The following RABGGTB variants were observed in gnomAD, a reference collection of about 807,000 sequenced individuals.
RABGGTB encodes the protein Rab geranylgeranyltransferase subunit beta.
A neutral mutation model predicts 44.5 loss-of-function variants in RABGGTB; 20 were observed. The ratio of observed to expected loss-of-function variants is 0.45; its 90% CI spans 0.32 to 0.65. RABGGTB has a LOEUF of 0.65. Ranked by LOEUF, RABGGTB falls within the 30% of genes least tolerant of loss-of-function variation. The probability of loss-of-function intolerance (pLI) is 0.05; values close to 1 mark genes in which losing one functional copy is unlikely to be tolerated. For missense variants in RABGGTB, 302 were observed against 398.7 expected (o/e 0.76, Z 2.06); for synonymous variants, 128 against 136.7 (o/e 0.94, Z 0.44).
chr1:75,792,138 CAAG>C (rs1553129764), intron 6 of RABGGTB, 40 bp from the exon 7 acceptor site: 13 of 1,528,390 alleles, frequency 8.5e-6, no homozygotes, highest in Non-Finnish European at 1.2e-5. Context: ...CTTTTAATGT[CAAG>C]AAATTATTAT....
At chr1:75,790,317 GT>G in intron 4 of RABGGTB, 5 of 1,233,306 alleles carry the variant, frequency 4.1e-6, no homozygotes, top group Non-Finnish European at 5.0e-6. Context: ...GCTTTGTAAA[GT>G]TTTTTAAAAA....
In RABGGTB at chr1:75,793,910, A is replaced by G. The variant is rs886687992; in HGVS notation, c.706-174A>G. ...CCATTAATTGATTATCTTTCATTCT[A>G]AGCAAGTATTTCATACCCTGCATAT... On this transcript the variant is annotated intron_variant, in intron 7 of 8. Transcript: ENST00000319942. 13 of 574,428 alleles carry G rather than the reference A, an allele frequency of 2.3e-5. No individual in the cohort carries two copies. In the African/African-American group the frequency reaches 2.4e-4, roughly 11 times the overall value. The allele number at this position is 574,428 out of a possible 1,614,324, so 35.6% of individuals were successfully genotyped here.
chr1:75,789,903 T>C (rs1649604463), intron 3 of RABGGTB, 49 bp from the exon 4 acceptor site: 3 of 1,364,622 alleles, frequency 2.2e-6, no homozygotes, highest in Non-Finnish European at 3.1e-6. Flanking sequence ...ATAAGATCAT[T>C]AGAATAAACC....
chr1:75,790,223 TA>T, intron 4 of RABGGTB, 166 bp downstream of exon 4: 1 of 1,422,156 alleles, frequency 7.0e-7, no homozygotes, highest in Non-Finnish European at 9.1e-7. Flanking sequence ...GTGGTAGTTA[TA>T]TCAGCATATA....
intron 2 of RABGGTB, 63 bp downstream of exon 2, chr1:75,787,667 G>GA: frequency 7.5e-7 from 1 of 1,329,196 alleles, no homozygotes; most frequent in South Asian, 1.2e-5. Context: ...CATAAGCAGT[G>GA]AGACAGTATT....
chr1:75,793,505 A>G (rs1156496872), intron 7 of RABGGTB: 1 of 152,400 alleles, frequency 6.6e-6, no homozygotes, highest in Non-Finnish European at 1.5e-5. Context: ...AACTGTCAAC[A>G]GAAAAATGGG....
At position 75,787,519 on chromosome 1, in the gene RABGGTB, T is replaced by C; in HGVS notation, c.26T>C (p.Ile9Thr). 1.2e-6 allele frequency: 2 copies of C among 1,613,900 alleles called. No individual in the cohort carries two copies. The highest frequency in any genetic ancestry group is 1.3e-5 in the African/African-American group (1 of 75,042). Residue 9 changes from isoleucine (I) to threonine (T), a missense_variant, in exon 2 of 9, where the codon ATT (isoleucine) becomes ACT (threonine). Coordinates refer to ENST00000319942, the MANE Select transcript of RABGGTB (RefSeq NM_004582.4). MGTPQKDV[I>T]IKSDAPDTLL... is the part of the protein sequence containing the mutation. ...AAGGGCACTCCACAGAAGGATGTTA[T>C]TATCAAGTCAGATGCACCGGACACT...
At chr1:75,789,401 T>G in intron 3 of RABGGTB, 45 bp downstream of exon 3, 6 of 1,566,836 alleles carry the variant, frequency 3.8e-6, no homozygotes, top group African/African-American at 1.4e-5. Context: ...GTATGTTCTC[T>G]TACTTCAGAG....
At chr1:75,786,443 G>A (rs1570926054) in intron 1 of RABGGTB, among the ~76,000 whole-genome samples, 169 bp downstream of exon 1, 1 of 152,210 alleles carries the variant, frequency 6.6e-6, no homozygotes, top group East Asian at 1.9e-4. Flanking sequence ...GTTTTCTGCA[G>A]ACCTCGCGGG....
intron 3 of RABGGTB, 145 bp from the exon 4 acceptor site, chr1:75,789,807 C>A: frequency 1.6e-6 from 1 of 618,772 alleles, no homozygotes; most frequent in Admixed American, 3.2e-5. Context: ...TAATTTTATT[C>A]AATAACAGGA....
rs765761086 is a variant in RABGGTB, at chr1:75,794,666, A to G, written c.*16A>G. ...AGTGAGCTAGATTCATTGAATTGAAAGTTGCATAGTATAGTTTTGCCATTT... is the reference window on the plus strand; with the variant it reads ...AGTGAGCTAGATTCATTGAATTGAAGGTTGCATAGTATAGTTTTGCCATTT... On this transcript the variant is annotated 3_prime_UTR_variant, in exon 9 of 9. Transcript: ENST00000319942. The G allele has an allele frequency of 1.3e-6, 2 of 1,578,118 alleles. No homozygotes were observed. The highest frequency in any genetic ancestry group is 1.7e-6 in the Non-Finnish European group (2 of 1,160,698).
chr1:75,791,710 C>A, intron 6 of RABGGTB, 139 bp downstream of exon 6: 1 of 708,442 alleles, frequency 1.4e-6, no homozygotes, highest in Non-Finnish European at 2.3e-6. Context: ...ATAAGAATTG[C>A]TTAATTGCTA....
Position 75,791,280 on chromosome 1 carries a change from TGTA to T in RABGGTB, c.416-3_416-1del. 6.2e-7 allele frequency: 1 copy of T among 1,606,814 alleles called. No individual in the cohort carries two copies. Among genetic ancestry groups the T allele is most frequent in the Non-Finnish European group, 8.5e-7 (1 of 1,173,358 alleles). On this transcript the variant is annotated splice_acceptor_variant and splice_polypyrimidine_tract_variant and intron_variant, in intron 4 of 8. Transcript: ENST00000319942. LOFTEE classifies it high-confidence loss of function. ...CTGCCTTGATTTGATCTATTTTTAT[TGTA>T]GGAGAAATTGACACAAGATTCTCTT...
At chr1:75,791,141 C>G (rs926674959) in intron 4 of RABGGTB, 144 bp from the exon 5 acceptor site, 3 of 696,322 alleles carry the variant, frequency 4.3e-6, no homozygotes, top group African/African-American at 3.6e-5. Flanking sequence ...AAAGGCACTT[C>G]AGATTTAGCT....
Position 75,789,218 on chromosome 1 carries a change from G to A in RABGGTB, c.171G>A (p.Met57Ile). The A allele has an allele frequency of 6.2e-7, 1 of 1,614,034 alleles. No homozygotes were observed. Among genetic ancestry groups the A allele is most frequent in the Non-Finnish European group, 8.5e-7 (1 of 1,179,944 alleles). ...GCATCTATTGGGGTCTGACAGTAATGGATCTCATGGGACAACTTCATCGCA... is the reference window on the plus strand; with the variant it reads ...GCATCTATTGGGGTCTGACAGTAATAGATCTCATGGGACAACTTCATCGCA... ...MSGIYWGLTV[M>I]DLMGQLHRMN... Residue 57 changes from methionine (M) to isoleucine (I), a missense_variant, in exon 3 of 9, where the codon ATG (methionine) becomes ATA (isoleucine). Coordinates refer to ENST00000319942, the MANE Select transcript of RABGGTB (RefSeq NM_004582.4).
intron 1 of RABGGTB, 77 bp from the exon 2 acceptor site, chr1:75,787,420 T>C (rs1649522306): frequency 1.9e-6 from 2 of 1,042,710 alleles, no homozygotes; most frequent in Non-Finnish European, 2.9e-6. Flanking sequence ...AATTGAGATG[T>C]ATGTTGAATC....
rs751831663 is a variant in RABGGTB at position 75,787,566 on chromosome 1, G to A, written c.73G>A (p.Asp25Asn). 4 of 1,613,570 alleles carry A rather than the reference G, an allele frequency of 2.5e-6. No homozygotes were observed. The highest frequency in any genetic ancestry group is 1.1e-5 in the South Asian group (1 of 91,074). ...CACTTTGTTATTGGAGAAACATGCA[G>A]ATTATATCGCATCCTATGGCTCAAA... ...PDTLLLEKHA[D>N]YIASYGSKKD... Residue 25 changes from aspartate to asparagine, a missense_variant, in exon 2 of 9, where the codon GAT becomes AAT. Physicochemically the swap from Asp to Asn is conservative, Grantham distance 23 (BLOSUM62 1). Around this residue, in one of 2 missense-constraint regions of RABGGTB, gnomAD observed 89 missense variants for 75.0 expected, o/e 1.19. Transcript: ENST00000319942.
At position 75,789,225 on chromosome 1, in the gene RABGGTB, A is replaced by G; in HGVS notation, c.178A>G (p.Met60Val). ...TTGGGGTCTGACAGTAATGGATCTC[A>G]TGGGACAACTTCATCGCATGAATAG... ...IYWGLTVMDL[M>V]GQLHRMNREE... The change falls in exon 3 of 9, where the codon ATG (methionine) becomes GTG (valine). Residue 60 changes from methionine (M) to valine (V), a missense_variant. Met to Val is a conservative substitution (Grantham distance 21, BLOSUM62 1). Coordinates refer to ENST00000319942, the MANE Select transcript of RABGGTB (RefSeq NM_004582.4). 6.2e-7 allele frequency: 1 copy of G among 1,612,692 alleles called. No homozygotes were observed. Among genetic ancestry groups the G allele is most frequent in the South Asian group, 1.1e-5 (1 of 91,046 alleles).
intron 2 of RABGGTB, chr1:75,788,849 C>T (rs1649571833): frequency 5.7e-6 from 2 of 349,726 alleles, no homozygotes; most frequent in Admixed American, 4.5e-5. Flanking sequence ...CCCTGAACTT[C>T]ACTGATGAAA....
Sources: gnomAD v4.1 joint callset for allele counts (sites outside exome capture counted in the v4.1 genomes callset) on GRCh38, gnomAD v4.1.1 for gene constraint, gnomAD v4.1.1 regional missense constraint, MANE v1.5 for transcripts, NCBI Gene and HGNC (gene_info 2026-07-23, HGNC 2026-07-21) for gene names.